FUT8: variants seen among roughly 807,000 people sequenced by gnomAD.
FUT8 encodes fucosyltransferase 8, also known as alpha-(1,6)-fucosyltransferase.
A neutral mutation model predicts 71.3 loss-of-function variants in FUT8; 29 were observed. The ratio of observed to expected loss-of-function variants is 0.41; its 90% CI spans 0.30 to 0.55. The LOEUF (loss-of-function observed/expected upper bound fraction) is 0.55. Ranked by LOEUF, FUT8 falls within the 20% of genes least tolerant of loss-of-function variation. The pLI, the probability that FUT8 is intolerant of heterozygous loss-of-function variation, is 0.34. For missense variants in FUT8, 544 were observed against 702.1 expected (o/e 0.77, Z 2.55); for synonymous variants, 254 against 239.3 (o/e 1.06, Z -0.57).
At chr14:65,716,426 G>T (rs1346382622) in intron 7 of FUT8, among the ~76,000 whole-genome samples, 7 of 148,238 alleles carry the variant, frequency 4.7e-5, no homozygotes, top group African/African-American at 7.5e-5. Flanking sequence ...TTCTAGACAG[G>T]ATTTCTTTTT....
chr14:65,442,766 G>A (rs1037321602), intron 1 of FUT8, among the ~76,000 whole-genome samples: 4 of 150,972 alleles, frequency 2.6e-5, no homozygotes, highest in African/African-American at 9.7e-5. Context: ...AGCCCAGGAG[G>A]CAGAGTTTGC....
intron 1 of FUT8, among the ~76,000 whole-genome samples, chr14:65,441,168 A>G (rs555636057): frequency 6.6e-6 from 1 of 152,246 alleles, no homozygotes; most frequent in East Asian, 1.9e-4. Context: ...GGGGCAGGTA[A>G]CTTTTAATTT....
intron 7 of FUT8, among the ~76,000 whole-genome samples, chr14:65,708,082 C>T (rs549466745): frequency 1.3e-5 from 2 of 152,184 alleles, no homozygotes; most frequent in Admixed American, 1.3e-4. Context: ...CTTTACATCC[C>T]CACCCAAATC....
chr14:65,480,052 A>G (rs1208222395), intron 2 of FUT8, among the ~76,000 whole-genome samples: 1 of 152,164 alleles, frequency 6.6e-6, no homozygotes, highest in South Asian at 2.1e-4. Flanking sequence ...AAATGATGCC[A>G]TTAATGACCA....
At chr14:65,637,705 G>A (rs758368594) in intron 6 of FUT8, among the ~76,000 whole-genome samples, 44 of 152,030 alleles carry the variant, frequency 2.9e-4, no homozygotes, top group Non-Finnish European at 4.6e-4. Context: ...AGAATAAGGC[G>A]TGTGGACACC....
intron 7 of FUT8, among the ~76,000 whole-genome samples, chr14:65,697,317 C>A (rs1415339746): frequency 6.6e-6 from 1 of 152,116 alleles, no homozygotes; most frequent in Non-Finnish European, 1.5e-5. Flanking sequence ...ATAGGCAGTT[C>A]TTTTAGCTGC....
chr14:65,397,388 T>A, the FUT8 span, among the ~76,000 whole-genome samples: 1 of 152,210 alleles, frequency 6.6e-6, no homozygotes, highest in Non-Finnish European at 1.5e-5. The surrounding 1 kb of genome is among the most constrained non-coding windows in gnomAD (Gnocchi z 4.2). Flanking sequence ...GTACAGCAGG[T>A]CCTTGAATAA....
Position 65,472,080 on chromosome 14 carries a change from C to T in FUT8, c.-228+16362C>T, listed in dbSNP as rs1011363288. Among the ~76,000 whole-genome samples the T allele has an allele frequency of 1.3e-5, 2 of 152,032 alleles. No homozygotes were observed. Among genetic ancestry groups the T allele is most frequent in the East Asian group, 1.9e-4 (1 of 5,198 alleles). On this transcript the variant is annotated intron_variant, in intron 2 of 10. Transcript: ENST00000673929. The surrounding 1 kb of genome is among the most constrained non-coding windows in gnomAD (Gnocchi z 4.4). ...TGTTTTGTGTTGCTATGTAGGAATA[C>T]CTGAGGCTAGGTAATTTATAAAGAG...
intron 3 of FUT8, among the ~76,000 whole-genome samples, chr14:65,580,652 T>A (rs1331022383): frequency 1.3e-5 from 2 of 151,968 alleles, no homozygotes; most frequent in Non-Finnish European, 2.9e-5. Context: ...CAGTGAAAAA[T>A]ATAGGCTTCC....
chr14:65,611,171 A>G (rs1363080092), intron 3 of FUT8, among the ~76,000 whole-genome samples: 4 of 132,240 alleles, frequency 3.0e-5, no homozygotes, highest in African/African-American at 8.3e-5. Flanking sequence ...AAGTTGTTAC[A>G]TTTTAAGTGT....
At position 65,616,152 on chromosome 14, in the gene FUT8, G is replaced by A. The variant is rs1405711741; in HGVS notation, c.319+59G>A. On this transcript the variant is annotated intron_variant, in intron 4 of 10. Transcript: ENST00000673929. ...TATATGGGCTTTAGCACAGATAATTGAAAGTTTCCTTTTATCAAAATGTTG... is the reference window on the plus strand; with the variant it reads ...TATATGGGCTTTAGCACAGATAATTAAAAGTTTCCTTTTATCAAAATGTTG... The A allele has an allele frequency of 2.5e-6, 4 of 1,594,000 alleles. No individual in the cohort carries two copies. The African/African-American group carries it at 5.4e-5, about 22-fold the overall frequency.
chr14:65,519,303 A>G (rs555328670), intron 2 of FUT8, among the ~76,000 whole-genome samples: 1 of 152,324 alleles, frequency 6.6e-6, no homozygotes, highest in South Asian at 2.1e-4. Context: ...AAAAGCCCTT[A>G]AAAAATGAGA....
the FUT8 span, among the ~76,000 whole-genome samples, chr14:65,384,842 C>T: frequency 1.3e-5 from 2 of 151,668 alleles, no homozygotes; most frequent in East Asian, 1.9e-4. The surrounding 1 kb of genome is among the most constrained non-coding windows in gnomAD (Gnocchi z 4.2). Context: ...GTTCTAATTC[C>T]ACTTCTTGCT....
chr14:65,501,962 A>C (rs1443563964), intron 2 of FUT8, among the ~76,000 whole-genome samples: 7 of 151,230 alleles, frequency 4.6e-5, no homozygotes, highest in Admixed American at 4.6e-4. Context: ...CCAGGCTGGA[A>C]TATAGTGGTG....
intron 6 of FUT8, among the ~76,000 whole-genome samples, chr14:65,659,884 T>G (rs1473561047): frequency 6.6e-6 from 1 of 152,148 alleles, no homozygotes; most frequent in Non-Finnish European, 1.5e-5. Flanking sequence ...CTTTCTAAAA[T>G]TCAATCTTAA....
At chr14:65,533,238 G>T (rs190667356) in intron 2 of FUT8, among the ~76,000 whole-genome samples, 1 of 152,168 alleles carries the variant, frequency 6.6e-6, no homozygotes, top group East Asian at 1.9e-4. Flanking sequence ...AAATTGCTCT[G>T]GGCAGTATGG....
chr14:65,554,309 C>T (rs1038617092), intron 2 of FUT8, among the ~76,000 whole-genome samples: 3 of 151,008 alleles, frequency 2.0e-5, no homozygotes. Context: ...ATATCAATTA[C>T]AATTATTCTC....
intron 10 of FUT8, among the ~76,000 whole-genome samples, chr14:65,740,456 A>C (rs960195093): frequency 6.6e-6 from 1 of 152,066 alleles, no homozygotes. Context: ...GATAAGAGTT[A>C]AGAATAGGCA....
intron 6 of FUT8, chr14:65,636,693 T>C (rs1407282112): frequency 6.6e-6 from 1 of 152,184 alleles, no homozygotes; most frequent in African/African-American, 2.4e-5. Flanking sequence ...TTTACAGTCA[T>C]ATATAGCTCA....
Sources: gnomAD v4.1 joint callset for allele counts (sites outside exome capture counted in the v4.1 genomes callset) on GRCh38, gnomAD v4.1.1 for gene constraint, Gnocchi (gnomAD v3.1) non-coding constraint, MANE v1.5 for transcripts, NCBI Gene and HGNC (gene_info 2026-07-23, HGNC 2026-07-21) for gene names.